Variants in PXDN observed in about 807,000 individuals in gnomAD.
PXDN encodes the protein peroxidasin.
In PXDN, 77 loss-of-function variants were observed where a neutral mutation model predicts 140.3. The ratio of observed to expected loss-of-function variants is 0.55; its 90% CI spans 0.46 to 0.66. The LOEUF is 0.66. Ranked by LOEUF, PXDN falls within the 30% of genes least tolerant of loss-of-function variation. The pLI, the probability that PXDN is intolerant of heterozygous loss-of-function variation, is 0.00. For synonymous variants in PXDN, 911 were observed against 857.4 expected, an observed-to-expected ratio of 1.06 and a Z score of -1.09; for missense variants, 1,838 against 2,039.5, an observed-to-expected ratio of 0.90 and a Z score of 1.90.
upstream of PXDN, chr2:1,744,703 G>A: frequency 3.2e-6 from 1 of 311,028 alleles, no homozygotes; most frequent in East Asian, 5.5e-5. Flanking sequence ...CAAGGCGAGC[G>A]CTCGGGGGCG....
chr2:1,729,582 G>A (rs1685266200), intron 1 of PXDN, among the ~76,000 whole-genome samples: 1 of 151,810 alleles, frequency 6.6e-6, no homozygotes, highest in Non-Finnish European at 1.5e-5. Flanking sequence ...GGGGGTGAGG[G>A]ATAAAAGTCT....
chr2:1,642,786 C>T (rs776080738), intron 19 of PXDN, among the ~76,000 whole-genome samples: 4 of 152,220 alleles, frequency 2.6e-5, no homozygotes, highest in African/African-American at 7.2e-5. Flanking sequence ...GCAGGGAAGA[C>T]GGAGCTGGCA....
At chr2:1,740,679 C>G (rs1056113982) in intron 1 of PXDN, among the ~76,000 whole-genome samples, 1 of 152,120 alleles carries the variant, frequency 6.6e-6, no homozygotes, top group Non-Finnish European at 1.5e-5. Context: ...GTCATCTTAC[C>G]ACTCCCAGGA....
intron 1 of PXDN, among the ~76,000 whole-genome samples, chr2:1,702,177 G>A (rs1255297058): frequency 6.6e-6 from 1 of 152,202 alleles, no homozygotes; most frequent in Admixed American, 6.5e-5. Flanking sequence ...TGGGATCCTG[G>A]AGTATCGCAA....
chr2:1,730,692 T>C (rs1685292326), intron 1 of PXDN, among the ~76,000 whole-genome samples: 1 of 152,176 alleles, frequency 6.6e-6, no homozygotes, highest in Admixed American at 6.5e-5. Context: ...TCCTGCTGGC[T>C]TCCTTCTAAG....
At chr2:1,655,832 C>A (rs1241130547) in intron 14 of PXDN, among the ~76,000 whole-genome samples, 1 of 151,876 alleles carries the variant, frequency 6.6e-6, no homozygotes, top group Non-Finnish European at 1.5e-5. Context: ...ACACACCACA[C>A]ACACACAGAT....
intron 1 of PXDN, among the ~76,000 whole-genome samples, chr2:1,735,283 G>A (rs1343827043): frequency 3.3e-5 from 5 of 152,164 alleles, no homozygotes; most frequent in Admixed American, 2.6e-4. Flanking sequence ...AATCAAAAAT[G>A]TTCTTAATGG....
chr2:1,643,330 G>A, intron 19 of PXDN, 38 bp downstream of exon 19: 1 of 1,592,510 alleles, frequency 6.3e-7, no homozygotes, highest in South Asian at 1.1e-5. Context: ...CAAAACCAGG[G>A]ATGAAAAAGG....
intron 10 of PXDN, among the ~76,000 whole-genome samples, chr2:1,665,958 G>A (rs566589890): frequency 9.2e-5 from 14 of 152,184 alleles, no homozygotes; most frequent in Admixed American, 2.6e-4. Flanking sequence ...AGACACTCCT[G>A]CTGGCCAGGT....
At chr2:1,681,886 C>T (rs980739972) in intron 6 of PXDN, among the ~76,000 whole-genome samples, 1 of 152,218 alleles carries the variant, frequency 6.6e-6, no homozygotes, top group African/African-American at 2.4e-5. Context: ...GGACCCCCAA[C>T]CTTCATCTGC....
chr2:1,727,917 A>G (rs773252084), intron 1 of PXDN, among the ~76,000 whole-genome samples: 7 of 152,202 alleles, frequency 4.6e-5, no homozygotes, highest in Non-Finnish European at 8.8e-5. Flanking sequence ...TATTCTGCAC[A>G]AGACTGTCCT....
chr2:1,661,583 C>T (rs1404951293), intron 13 of PXDN, among the ~76,000 whole-genome samples: 1 of 152,196 alleles, frequency 6.6e-6, no homozygotes, highest in African/African-American at 2.4e-5. Context: ...ACTCTCCTTC[C>T]ATGGGGACCA....
rs1441760470 is a variant in PXDN at position 1,632,123 on chromosome 2, T to G, written c.*2081A>C. On this transcript the variant is annotated 3_prime_UTR_variant, in exon 23 of 23. Transcript: ENST00000252804. The surrounding 1 kb of genome is among the most constrained non-coding windows in gnomAD (Gnocchi z 4.3). ...GTTCTGATTACAGAGAGTATCAAAC[T>G]GGTGATTCCGCAGACATTTTGGTTT... is the stretch of plus-strand genomic sequence containing the variant. 1 of 152,504 alleles carries G rather than the reference T, an allele frequency of 6.6e-6. No homozygotes were observed. The highest frequency in any genetic ancestry group is 1.5e-5 in the Non-Finnish European group (1 of 68,058). 9.4% of individuals were successfully genotyped at this position (152,504 alleles called of 1,614,324 possible).
chr2:1,653,295 C>T (rs1683055674), intron 16 of PXDN: 1 of 366,614 alleles, frequency 2.7e-6, no homozygotes, highest in Non-Finnish European at 5.3e-6. Context: ...CTGCCAAGTC[C>T]TCCCTTATGG....
chr2:1,649,100 T>A lies in PXDN; in HGVS notation c.2680A>T (p.Met894Leu). 1.2e-6 allele frequency: 2 copies of A among 1,612,650 alleles called. No individual in the cohort carries two copies. The highest frequency in any genetic ancestry group is 8.5e-7 in the Non-Finnish European group (1 of 1,179,822). The change falls in exon 17 of 23, where the codon ATG becomes TTG. Residue 894 changes from methionine to leucine, a missense_variant. By Grantham distance (15) the Met-to-Leu change is conservative. Transcript: ENST00000252804. This position sits in a 1 kb window ranked among gnomAD's most constrained non-coding sequence, Gnocchi z 7.1. ...TGCTCCCGCGGGTACACGGAGTTCA[T>A]GAGCAGCGAAGTCATGCCGCTGCCG... ...VCGSGMTSLL[M>L]NSVYPREQIN...
At chr2:1,645,675 T>C (rs1682835658) in intron 17 of PXDN, among the ~76,000 whole-genome samples, 1 of 152,244 alleles carries the variant, frequency 6.6e-6, no homozygotes, top group Non-Finnish European at 1.5e-5. Flanking sequence ...CTAAGTTCAA[T>C]GACATTCAGG....
intron 9 of PXDN, among the ~76,000 whole-genome samples, chr2:1,671,635 A>C (rs1683579381): frequency 1.3e-5 from 2 of 152,222 alleles, no homozygotes; most frequent in South Asian, 4.1e-4. Context: ...AAAAATTGCA[A>C]ACTTTTTATA....
chr2:1,728,130 G>T (rs911711836), intron 1 of PXDN, among the ~76,000 whole-genome samples: 17 of 152,272 alleles, frequency 1.1e-4, no homozygotes, highest in Non-Finnish European at 2.4e-4. Flanking sequence ...GTAGAGACGG[G>T]TCTCGCCATT....
At position 1,648,297 on chromosome 2, in the gene PXDN, C is replaced by A. The variant is rs375049627; in HGVS notation, c.3483G>T (p.Arg1161=). The A allele has an allele frequency of 5.6e-6, 9 of 1,613,912 alleles. No homozygotes were observed. In the Middle Eastern group the frequency reaches 4.9e-4, roughly 89 times the overall value. The part of the protein sequence containing the change: ...ALDLAAINIQ[R]GRDHGIPPYH... ...AGGGTGGGATCCCGTGGTCCCGGCC[C>A]CGCTGGATGTTGATGGCCGCCAGGT... The change falls in exon 17 of 23, where the codon CGG becomes CGT. Residue 1161 remains arginine, a synonymous_variant. Transcript: ENST00000252804. The surrounding 1 kb of genome is among the most constrained non-coding windows in gnomAD (Gnocchi z 8.9).
Sources: allele counts gnomAD v4.1 joint callset (sites outside exome capture counted in the v4.1 genomes callset), GRCh38; gene constraint gnomAD v4.1.1; non-coding constraint Gnocchi (gnomAD v3.1); transcripts MANE v1.5; gene names NCBI Gene and HGNC (gene_info 2026-07-23, HGNC 2026-07-21).